The following TOP1 variants were observed in gnomAD, a reference collection of about 807,000 sequenced individuals.
TOP1 encodes the protein DNA topoisomerase 1.
A neutral mutation model predicts 111.1 loss-of-function variants in TOP1; 10 were observed. That is an observed-to-expected ratio of 0.09 (90% CI 0.06 to 0.15). The LOEUF is 0.15. Ranked by LOEUF, TOP1 falls within the 10% of genes least tolerant of loss-of-function variation. The pLI, the probability that TOP1 is intolerant of heterozygous loss-of-function variation, is 1.00. For synonymous variants in TOP1, 271 were observed against 302.9 expected, an observed-to-expected ratio of 0.89 and a Z score of 1.10; for missense variants, 474 against 926.7, an observed-to-expected ratio of 0.51 and a Z score of 6.34.
chr20:41,072,366 G>A, intron 3 of TOP1: 1 of 985,412 alleles, frequency 1.0e-6, no homozygotes, highest in Non-Finnish European at 1.2e-6. Flanking sequence ...CACTGTTAAT[G>A]AGGAAAGTAC....
rs1479455957 is a variant in TOP1 at position 41,113,961 on chromosome 20, C to G, written c.1453-9C>G. On this transcript the variant is annotated splice_polypyrimidine_tract_variant and intron_variant, in intron 14 of 20. Coordinates refer to ENST00000361337, the MANE Select transcript of TOP1 (RefSeq NM_003286.4). ...ATTCATGCTCATCTTTTCTTTCTTT[C>G]CTGGGCAGCTTGCTCTGAGAGCAGG... 1 of 1,608,302 alleles carries G rather than the reference C, an allele frequency of 6.2e-7. No individual in the cohort carries two copies. The highest frequency in any genetic ancestry group is 2.2e-5 in the East Asian group (1 of 44,698).
At chr20:41,075,547 A>G (rs1288786144) in intron 3 of TOP1, among the ~76,000 whole-genome samples, 3 of 152,238 alleles carry the variant, frequency 2.0e-5, no homozygotes, top group Admixed American at 6.5e-5. Context: ...GTAAGAAGCT[A>G]TGAACATTTT....
At chr20:41,120,272 C>T (rs2034400874) in intron 18 of TOP1, among the ~76,000 whole-genome samples, 1 of 152,256 alleles carries the variant, frequency 6.6e-6, no homozygotes, top group Admixed American at 6.5e-5. Flanking sequence ...CTTTGGACAA[C>T]ATAGATGTTG....
chr20:41,080,913 TC>T lies in TOP1; in HGVS notation c.432-246del, dbSNP rs1299014788. ...ATAATGATATTTATTTCTGCATATATCCCCCCACCCTATTTTGCTTCCAGGC... is the reference window on the plus strand; with the variant it reads ...ATAATGATATTTATTTCTGCATATATCCCCCACCCTATTTTGCTTCCAGGC... On this transcript the variant is annotated intron_variant, in intron 6 of 20. Transcript: ENST00000361337. The surrounding 1 kb of genome is among the most constrained non-coding windows in gnomAD (Gnocchi z 5.0). Among the ~76,000 whole-genome samples the T allele has an allele frequency of 6.6e-6, 1 of 152,116 alleles. No individual in the cohort carries two copies. The highest frequency in any genetic ancestry group is 1.5e-5 in the Non-Finnish European group (1 of 68,018).
Position 41,080,919 on chromosome 20 carries a change from C to G in TOP1, c.432-246C>G, listed in dbSNP as rs927555242. The stretch of plus-strand genomic sequence containing the variant: ...ATATTTATTTCTGCATATATCCCCC[C>G]ACCCTATTTTGCTTCCAGGCCGGTG... On this transcript the variant is annotated intron_variant, in intron 6 of 20. Transcript: ENST00000361337. This position sits in a 1 kb window ranked among gnomAD's most constrained non-coding sequence, Gnocchi z 5.0. Among the ~76,000 whole-genome samples, 1 of 152,070 alleles carries G rather than the reference C, an allele frequency of 6.6e-6. No individual in the cohort carries two copies. The highest frequency in any genetic ancestry group is 2.4e-5 in the African/African-American group (1 of 41,402).
chr20:41,103,383 A>G (rs917277425), intron 13 of TOP1, among the ~76,000 whole-genome samples: 9 of 152,170 alleles, frequency 5.9e-5, no homozygotes, highest in African/African-American at 1.9e-4. Context: ...TGTGACATCC[A>G]CTGCTAAATG....
At chr20:41,073,382 A>C in intron 3 of TOP1, 1 of 984,378 alleles carries the variant, frequency 1.0e-6, no homozygotes, top group Non-Finnish European at 1.2e-6. Context: ...ATGAAAAAAA[A>C]AAAAAAGAAA....
chr20:41,085,611 G>A (rs1025599469), intron 8 of TOP1, among the ~76,000 whole-genome samples: 7 of 152,202 alleles, frequency 4.6e-5, no homozygotes, highest in Non-Finnish European at 2.9e-5. Flanking sequence ...TTAATAGTTA[G>A]AATAAAAATC....
chr20:41,073,048 AGAG>A, intron 3 of TOP1: 1 of 985,432 alleles, frequency 1.0e-6, no homozygotes, highest in Non-Finnish European at 1.2e-6. Context: ...GTTAGCAGGC[AGAG>A]GAAATATCGT....
At position 41,101,370 on chromosome 20, in the gene TOP1, G is replaced by T; in HGVS notation, c.1308+17G>T. ...CGAATCAAGGTAAGGGGATAGTTGA[G>T]AGCTGCACTGGTTCATGGTGCTGAT... On this transcript the variant is annotated intron_variant, in intron 13 of 20. Coordinates refer to ENST00000361337, the MANE Select transcript of TOP1 (RefSeq NM_003286.4). This position sits in a 1 kb window ranked among gnomAD's most constrained non-coding sequence, Gnocchi z 4.1. 2 of 1,611,672 alleles carry T rather than the reference G, an allele frequency of 1.2e-6. No homozygotes were observed. Among genetic ancestry groups the T allele is most frequent in the South Asian group, 2.2e-5 (2 of 90,972 alleles).
rs1392253806 is a variant in TOP1 at position 41,083,227 on chromosome 20, A to G, written c.508-1235A>G. 6.6e-6 allele frequency among the ~76,000 whole-genome samples: 1 copy of G among 152,118 alleles called. No individual in the cohort carries two copies. The highest frequency in any genetic ancestry group is 1.5e-5 in the Non-Finnish European group (1 of 68,006). On this transcript the variant is annotated intron_variant, in intron 7 of 20. Coordinates refer to ENST00000361337, the MANE Select transcript of TOP1 (RefSeq NM_003286.4). The surrounding 1 kb of genome is among the most constrained non-coding windows in gnomAD (Gnocchi z 7.2). ...CTGTTTAGAGTATCTTCACTGAAAA[A>G]CATTTCCCTTTCCTGTGGTGTGTTT... is the stretch of plus-strand genomic sequence containing the variant.
intron 8 of TOP1, among the ~76,000 whole-genome samples, chr20:41,090,259 G>A (rs2033903809): frequency 6.6e-6 from 1 of 152,150 alleles, no homozygotes. Context: ...GATTACAGGC[G>A]TGAGCCACTG....
Position 41,114,203 on chromosome 20 carries a change from A to C in TOP1, c.1638+48A>C. 1 of 1,518,934 alleles carries C rather than the reference A, an allele frequency of 6.6e-7. No individual in the cohort carries two copies. Among genetic ancestry groups the C allele is most frequent in the East Asian group, 2.3e-5 (1 of 44,174 alleles). 94.1% of individuals were successfully genotyped at this position (1,518,934 alleles called of 1,614,324 possible). A position where few individuals can be genotyped will look rare whatever the true frequency, so the allele number is the denominator to read the frequency against. The stretch of plus-strand genomic sequence containing the variant: ...TCTGACTTGTTTTCCATTATTCAAC[A>C]AGCATGGGTTGACTGCTTTTTTGTG... On this transcript the variant is annotated intron_variant, in intron 15 of 20. Transcript: ENST00000361337. The surrounding 1 kb of genome is among the most constrained non-coding windows in gnomAD (Gnocchi z 4.5).
At chr20:41,086,669 T>C (rs2033852718) in intron 8 of TOP1, among the ~76,000 whole-genome samples, 1 of 152,240 alleles carries the variant, frequency 6.6e-6, no homozygotes, top group African/African-American at 2.4e-5. Flanking sequence ...TTATCAGTGT[T>C]GCCACACATT....
intron 2 of TOP1, among the ~76,000 whole-genome samples, chr20:41,053,190 A>C (rs757977883): frequency 9.9e-5 from 15 of 152,088 alleles, no homozygotes; most frequent in African/African-American, 3.6e-4. Flanking sequence ...GGCTGTTGCA[A>C]CTCATTTCTT....
chr20:41,087,088 T>C (rs1169066231), intron 8 of TOP1, among the ~76,000 whole-genome samples: 1 of 152,234 alleles, frequency 6.6e-6, no homozygotes, highest in East Asian at 1.9e-4. Flanking sequence ...GATCTTTTTC[T>C]TCCCTCGTAA....
At position 41,115,287 on chromosome 20, in the gene TOP1, TGCAAG is replaced by T; in HGVS notation, c.1639-83_1639-79del. 1 of 931,408 alleles carries T rather than the reference TGCAAG, an allele frequency of 1.1e-6. No homozygotes were observed. Among genetic ancestry groups the T allele is most frequent in the Admixed American group, 2.0e-5 (1 of 49,982 alleles). 57.7% of individuals were successfully genotyped at this position (931,408 alleles called of 1,614,324 possible). A position where few individuals can be genotyped will look rare whatever the true frequency, so the allele number is the denominator to read the frequency against. ...TGCGTGTTCCTTGTGCCTTTTTCTTTGCAAGTTTCTTTAAGTTTGGGGTTATTTCT... is the reference window on the plus strand; with the variant it reads ...TGCGTGTTCCTTGTGCCTTTTTCTTTTTTCTTTAAGTTTGGGGTTATTTCT... On this transcript the variant is annotated intron_variant, in intron 15 of 20. Transcript: ENST00000361337. The surrounding 1 kb of genome is among the most constrained non-coding windows in gnomAD (Gnocchi z 6.3).
Position 41,092,919 on chromosome 20 carries a change from A to G in TOP1, c.730+332A>G, listed in dbSNP as rs973973919. On this transcript the variant is annotated intron_variant, in intron 9 of 20. Coordinates refer to ENST00000361337, the MANE Select transcript of TOP1 (RefSeq NM_003286.4). The surrounding 1 kb of genome is among the most constrained non-coding windows in gnomAD (Gnocchi z 4.3). ...GCAACTCTTCGCAAGAGTTATTAGAAAAGCCTCACTTGAATGGTAGTATTT... is the reference window on the plus strand; with the variant it reads ...GCAACTCTTCGCAAGAGTTATTAGAGAAGCCTCACTTGAATGGTAGTATTT... Among the ~76,000 whole-genome samples, 3 of 152,222 alleles carry G rather than the reference A, an allele frequency of 2.0e-5. No homozygotes were observed. The highest frequency in any genetic ancestry group is 2.9e-5 in the Non-Finnish European group (2 of 68,040).
rs2034440540 is a variant in TOP1, at chr20:41,122,626, G to A, written c.2195+471G>A. Among the ~76,000 whole-genome samples, 1 of 152,196 alleles carries A rather than the reference G, an allele frequency of 6.6e-6. No homozygotes were observed. Among genetic ancestry groups the A allele is most frequent in the Non-Finnish European group, 1.5e-5 (1 of 68,030 alleles). ...CTTTAACAAAAGCAGATAAATACTA[G>A]GTTTCTCTGTGTGTCACACACAGTG... On this transcript the variant is annotated intron_variant, in intron 20 of 20. Coordinates refer to ENST00000361337, the MANE Select transcript of TOP1 (RefSeq NM_003286.4). This position sits in a 1 kb window ranked among gnomAD's most constrained non-coding sequence, Gnocchi z 5.4.
Sources: allele counts gnomAD v4.1 joint callset (sites outside exome capture counted in the v4.1 genomes callset), GRCh38; gene constraint gnomAD v4.1.1; non-coding constraint Gnocchi (gnomAD v3.1); transcripts MANE v1.5; gene names NCBI Gene and HGNC (gene_info 2026-07-23, HGNC 2026-07-21).